Variants in DTNA observed in about 807,000 individuals in gnomAD.
The protein encoded by DTNA is dystrobrevin alpha.
In DTNA, 43 loss-of-function variants were observed where a neutral mutation model predicts 100.7. The observed-to-expected ratio is 0.43, with a 90% CI of 0.33 to 0.55. The LOEUF (loss-of-function observed/expected upper bound fraction) is 0.55, where lower values mean the gene tolerates loss of function less well. Ranked by LOEUF, DTNA falls within the 20% of genes least tolerant of loss-of-function variation. The pLI is 0.04. For missense variants in DTNA, 798 were observed against 953.9 expected, an observed-to-expected ratio of 0.84 and a Z score of 2.15; for synonymous variants, 349 against 347.9, an observed-to-expected ratio of 1.00 and a Z score of -0.04.
rs1350936652 is a variant in DTNA, at chr18:34,562,760, C to T, written c.-2+69246C>T. 4.6e-5 allele frequency among the ~76,000 whole-genome samples: 7 copies of T among 152,216 alleles called. No individual in the cohort carries two copies. The East Asian group carries it at 1.4e-3, about 29-fold the overall frequency. On this transcript the variant is annotated intron_variant, in intron 1 of 19. Coordinates refer to the DTNA transcript ENST00000283365. The stretch of plus-strand genomic sequence containing the variant: ...AGCAAATCTGTATTTTAACAAGCCT[C>T]CTGGTGATTGTGAAGAACACTAAAG...
rs2075754617 is a variant in DTNA, at chr18:34,665,295, T to C, written c.-1-90681T>C. Among the ~76,000 whole-genome samples the C allele has an allele frequency of 2.0e-5, 3 of 152,166 alleles. No homozygotes were observed. The South Asian group carries it at 6.2e-4, about 31-fold the overall frequency. On this transcript the variant is annotated intron_variant, in intron 1 of 19. Coordinates refer to the DTNA transcript ENST00000283365. ...AACAACAACAACAAAATATTAAGAA[T>C]CTGATTTTCATGCTAAGAATTTGTC...
At chr18:34,773,195 C>G (rs1374878603) in intron 3 of DTNA, among the ~76,000 whole-genome samples, 1 of 152,192 alleles carries the variant, frequency 6.6e-6, no homozygotes, top group East Asian at 1.9e-4. Context: ...AATTTGGGAT[C>G]ATAATATCAT....
At chr18:34,646,294 A>C (rs938555322) in intron 1 of DTNA, among the ~76,000 whole-genome samples, 3 of 152,244 alleles carry the variant, frequency 2.0e-5, no homozygotes, top group Non-Finnish European at 4.4e-5. Flanking sequence ...AAATGGCAAT[A>C]AACTTATTTT....
At chr18:34,820,967 G>T in intron 9 of DTNA, 52 bp downstream of exon 9, 1 of 1,613,340 alleles carries the variant, frequency 6.2e-7, no homozygotes, top group Non-Finnish European at 8.5e-7. Flanking sequence ...AAGGGCACAT[G>T]TCTGGAGCCA....
intron 1 of DTNA, among the ~76,000 whole-genome samples, chr18:34,681,515 G>C (rs186386488): frequency 9.9e-5 from 15 of 152,160 alleles, no homozygotes; most frequent in Non-Finnish European, 1.5e-4. Context: ...TCCTCCCACA[G>C]AGGAAACCAT....
chr18:34,760,615 C>G (rs866140581), intron 2 of DTNA, among the ~76,000 whole-genome samples: 18 of 152,250 alleles, frequency 1.2e-4, no homozygotes, highest in Admixed American at 8.5e-4. Context: ...ACAAAAATAC[C>G]TATCATCCCT....
intron 1 of DTNA, among the ~76,000 whole-genome samples, chr18:34,701,568 C>G (rs979131413): frequency 6.6e-6 from 1 of 152,060 alleles, no homozygotes; most frequent in Non-Finnish European, 1.5e-5. Flanking sequence ...TATCTGCATC[C>G]AAGCCCTATT....
chr18:34,667,836 T>C (rs573804707), intron 1 of DTNA, among the ~76,000 whole-genome samples: 2 of 152,350 alleles, frequency 1.3e-5, no homozygotes, highest in African/African-American at 4.8e-5. Context: ...CAGTATTTTA[T>C]TGAGGATTTT....
chr18:34,580,585 T>C (rs2048518859), intron 1 of DTNA, among the ~76,000 whole-genome samples: 2 of 152,114 alleles, frequency 1.3e-5, no homozygotes, highest in African/African-American at 2.4e-5. Flanking sequence ...GGGGAAGAAA[T>C]AGAAATTTAT....
chr18:34,688,929 C>T (rs1289499898), intron 1 of DTNA, among the ~76,000 whole-genome samples: 1 of 151,980 alleles, frequency 6.6e-6, no homozygotes, highest in Non-Finnish European at 1.5e-5. Context: ...TCTGCTTGAT[C>T]GATTCAGCTA....
At chr18:34,743,151 C>G (rs1405659800) in intron 1 of DTNA, among the ~76,000 whole-genome samples, 1 of 152,172 alleles carries the variant, frequency 6.6e-6, no homozygotes, top group African/African-American at 2.4e-5. Context: ...AGGGCTGCCT[C>G]TGTTTCTTCT....
intron 5 of DTNA, among the ~76,000 whole-genome samples, chr18:34,809,241 A>T (rs62097227): frequency 0.012 from 1,860 of 152,250 alleles, 16 homozygotes; most frequent in Non-Finnish European, 0.019. Context: ...CCCCTTGGTG[A>T]GTGGGATTGT....
At position 34,840,910 on chromosome 18, in the gene DTNA, A is replaced by T. The variant is rs115992323; in HGVS notation, c.1346+2073A>T. On this transcript the variant is annotated intron_variant, in intron 13 of 22. Coordinates refer to ENST00000444659, the MANE Select transcript of DTNA (RefSeq NM_001386795.1). ...TCATACCTGTCATGGTTCTATAAGT[A>T]ATGTAATGACCTCTTACCTCCTTTA... Among the ~76,000 whole-genome samples the T allele has an allele frequency of 2.6e-3, 389 of 152,224 alleles. 3 individuals carry two copies. The highest frequency in any genetic ancestry group is 9.0e-3 in the African/African-American group (376 of 41,554).
chr18:34,497,236 A>T (rs532752770), intron 1 of DTNA, among the ~76,000 whole-genome samples: 4 of 152,218 alleles, frequency 2.6e-5, no homozygotes, highest in Admixed American at 1.3e-4. Flanking sequence ...TTTATCACAC[A>T]GTCCCTGAGA....
At chr18:34,611,978 C>G (rs983113538) in intron 1 of DTNA, among the ~76,000 whole-genome samples, 5 of 152,232 alleles carry the variant, frequency 3.3e-5, no homozygotes, top group African/African-American at 1.2e-4. Context: ...GGCTGTCCAC[C>G]TGCCCAGCCC....
In DTNA at chr18:34,655,249, G is replaced by A. The variant is rs923352685; in HGVS notation, c.-1-100727G>A. 3.3e-5 allele frequency among the ~76,000 whole-genome samples: 5 copies of A among 152,184 alleles called. No individual in the cohort carries two copies. The East Asian group carries it at 9.6e-4, about 29-fold the overall frequency. ...AAGCCCTTCTCTGAATCGGTTATTGGACATATTCACTGCCTCCTTCTCTCT... is the reference window on the plus strand; with the variant it reads ...AAGCCCTTCTCTGAATCGGTTATTGAACATATTCACTGCCTCCTTCTCTCT... On this transcript the variant is annotated intron_variant, in intron 1 of 19. Coordinates refer to the DTNA transcript ENST00000283365.
intron 1 of DTNA, among the ~76,000 whole-genome samples, chr18:34,637,187 A>G (rs1401738426): frequency 6.6e-6 from 1 of 152,232 alleles, no homozygotes; most frequent in Non-Finnish European, 1.5e-5. Context: ...TTGTGCCAAG[A>G]GCAAAGAAAC....
chr18:34,570,433 T>C (rs2047479434), intron 1 of DTNA, among the ~76,000 whole-genome samples: 1 of 152,254 alleles, frequency 6.6e-6, no homozygotes, highest in African/African-American at 2.4e-5. Context: ...CATTGTGAAC[T>C]CTTTGAAAGC....
chr18:34,749,749 A>T (rs1414814820), intron 1 of DTNA, among the ~76,000 whole-genome samples: 6 of 152,080 alleles, frequency 3.9e-5, no homozygotes, highest in Non-Finnish European at 5.9e-5. Context: ...AACTCATTAT[A>T]ACCTTGTATT....
Sources: allele counts gnomAD v4.1 joint callset (sites outside exome capture counted in the v4.1 genomes callset), GRCh38; gene constraint gnomAD v4.1.1; transcripts MANE v1.5; gene names NCBI Gene and HGNC (gene_info 2026-07-23, HGNC 2026-07-21).